LHFPL3: variants seen among roughly 807,000 people sequenced by gnomAD.
The protein encoded by LHFPL3 is LHFPL tetraspan subfamily member 3 protein.
LHFPL3 carries 5 observed loss-of-function variants against 19.3 expected under a neutral mutation model. The observed-to-expected ratio is 0.26, with a 90% CI of 0.14 to 0.54. The LOEUF is 0.54. Among genes scored for constraint, LHFPL3 ranks in the 20% least tolerant of loss-of-function variants. The probability of loss-of-function intolerance (pLI) is 0.94; values close to 1 mark genes in which losing one functional copy is unlikely to be tolerated. For synonymous variants in LHFPL3, 133 were observed against 126.2 expected (o/e 1.05, Z -0.36); for missense variants, 249 against 307.4 (o/e 0.81, Z 1.42).
At chr7:104,529,601 CT>C (rs1182361845) in intron 1 of LHFPL3, among the ~76,000 whole-genome samples, 4 of 152,182 alleles carry the variant, frequency 2.6e-5, no homozygotes. Flanking sequence ...AAATAGTCAG[CT>C]GGTTCCCATC....
At chr7:104,499,775 A>G (rs746751169) in intron 1 of LHFPL3, among the ~76,000 whole-genome samples, 1 of 152,236 alleles carries the variant, frequency 6.6e-6, no homozygotes, top group African/African-American at 2.4e-5. Context: ...AATAAAATGC[A>G]TGCAGTTATA....
At chr7:104,866,337 T>C (rs561265958) in intron 2 of LHFPL3, among the ~76,000 whole-genome samples, 38 of 152,214 alleles carry the variant, frequency 2.5e-4, no homozygotes, top group Admixed American at 5.2e-4. Flanking sequence ...ACCCATCTCA[T>C]GTGCAGAGAC....
intron 1 of LHFPL3, among the ~76,000 whole-genome samples, chr7:104,484,797 A>T (rs1793206802): frequency 6.6e-6 from 1 of 152,168 alleles, no homozygotes; most frequent in Non-Finnish European, 1.5e-5. Context: ...GAGAGACAGG[A>T]AGGGGGCTGA....
intron 2 of LHFPL3, among the ~76,000 whole-genome samples, chr7:104,858,456 A>C (rs1474446295): frequency 6.6e-6 from 1 of 152,144 alleles, no homozygotes; most frequent in Non-Finnish European, 1.5e-5. Context: ...TGATGTATCT[A>C]CATACATACC....
intron 2 of LHFPL3, among the ~76,000 whole-genome samples, chr7:104,829,902 C>A (rs1235084829): frequency 1.3e-5 from 2 of 151,958 alleles, no homozygotes; most frequent in African/African-American, 2.4e-5. Context: ...TGAGGAATCA[C>A]CACACTGACT....
intron 1 of LHFPL3, among the ~76,000 whole-genome samples, chr7:104,637,622 A>G (rs953507540): frequency 2.6e-4 from 40 of 152,200 alleles, no homozygotes; most frequent in Middle Eastern, 3.4e-3. Flanking sequence ...TCCCAGCACC[A>G]CTTATTGAAT....
chr7:104,611,523 GC>G (rs755419343), intron 1 of LHFPL3, among the ~76,000 whole-genome samples: 4 of 152,144 alleles, frequency 2.6e-5, no homozygotes, highest in Admixed American at 1.3e-4. Context: ...GAATCAAAGG[GC>G]AAAGAAGGAG....
At chr7:104,864,361 T>A (rs928088637) in intron 2 of LHFPL3, among the ~76,000 whole-genome samples, 2 of 125,654 alleles carry the variant, frequency 1.6e-5, no homozygotes, top group Admixed American at 8.1e-5. Context: ...TTCTCTTTCC[T>A]AGTCAAAAAA....
chr7:104,464,481 G>A lies in LHFPL3; in HGVS notation c.445+135257G>A, dbSNP rs565870487. Among the ~76,000 whole-genome samples the A allele has an allele frequency of 4.6e-4, 70 of 152,320 alleles. No individual in the cohort carries two copies. In the South Asian group the frequency reaches 5.0e-3, roughly 11 times the overall value. On this transcript the variant is annotated intron_variant, in intron 1 of 2. Transcript: ENST00000424859. ...TCCCTTCTTCACTGCCCTAGCAGAG[G>A]TTCTCTGTGAGGGTTCCACCCCTGA...
chr7:104,785,547 A>C (rs1311980175), intron 2 of LHFPL3, among the ~76,000 whole-genome samples: 2 of 152,196 alleles, frequency 1.3e-5, no homozygotes, highest in East Asian at 1.9e-4. Context: ...AATTTACTTA[A>C]GTTCTCCAAT....
chr7:104,832,532 C>T (rs1429059468), intron 2 of LHFPL3, among the ~76,000 whole-genome samples: 2 of 151,558 alleles, frequency 1.3e-5, no homozygotes, highest in African/African-American at 2.4e-5. Context: ...TTTTTCTCAT[C>T]GAGATTACTC....
intron 1 of LHFPL3, among the ~76,000 whole-genome samples, chr7:104,449,930 G>A (rs1041593655): frequency 2.6e-5 from 4 of 152,204 alleles, no homozygotes; most frequent in African/African-American, 7.2e-5. Context: ...GGTGACACAT[G>A]AAGAGGTCAG....
At chr7:104,772,342 A>G (rs1794568516) in intron 2 of LHFPL3, among the ~76,000 whole-genome samples, 1 of 152,216 alleles carries the variant, frequency 6.6e-6, no homozygotes, top group Non-Finnish European at 1.5e-5. Context: ...TGGCTCAGTG[A>G]TTATTAGAAC....
Position 104,370,915 on chromosome 7 carries a change from G to C in LHFPL3, c.445+41691G>C, listed in dbSNP as rs575272741. Among the ~76,000 whole-genome samples, 13 of 152,286 alleles carry C rather than the reference G, an allele frequency of 8.5e-5. No homozygotes were observed. In the South Asian group the frequency reaches 2.7e-3, roughly 32 times the overall value. The stretch of plus-strand genomic sequence containing the variant: ...GATGAGGATATTGAGGCAGAGAAAA[G>C]TTATGTAACTTTCTTAAGCTATTAA... On this transcript the variant is annotated intron_variant, in intron 1 of 2. Transcript: ENST00000424859.
chr7:104,696,471 T>TGC lies in LHFPL3; in HGVS notation c.446-40203_446-40202dup, dbSNP rs1792998770. On this transcript the variant is annotated intron_variant, in intron 1 of 2. Transcript: ENST00000424859. The stretch of plus-strand genomic sequence containing the variant: ...GTGTGTGTGTGTGTGTGTGTGTGTG[T>TGC]GCTTACATATATGTGTGTTTACTTT... 5.7e-5 allele frequency among the ~76,000 whole-genome samples: 8 copies of TGC among 140,462 alleles called. No homozygotes were observed. The South Asian group carries it at 1.8e-3, about 32-fold the overall frequency. 92.1% of individuals were successfully genotyped at this position (140,462 alleles called of 152,430 possible). A position where few individuals can be genotyped will look rare whatever the true frequency, so the allele number is the denominator to read the frequency against.
chr7:104,695,455 C>T (rs1350762864), intron 1 of LHFPL3, among the ~76,000 whole-genome samples: 1 of 152,266 alleles, frequency 6.6e-6, no homozygotes, highest in East Asian at 1.9e-4. Context: ...TGTTGGGTCT[C>T]CCAGTTTTTT....
chr7:104,735,417 C>T (rs562761125), intron 1 of LHFPL3, among the ~76,000 whole-genome samples: 36 of 152,360 alleles, frequency 2.4e-4, no homozygotes, highest in Admixed American at 1.3e-4. Context: ...TTGGCAATGG[C>T]GGGCGCCCCT....
At chr7:104,765,421 C>T (rs1584522262) in intron 2 of LHFPL3, among the ~76,000 whole-genome samples, 1 of 152,188 alleles carries the variant, frequency 6.6e-6, no homozygotes, top group African/African-American at 2.4e-5. Context: ...TAAAGAGATA[C>T]CTAAATAACC....
At chr7:104,509,874 A>C (rs1793777294) in intron 1 of LHFPL3, among the ~76,000 whole-genome samples, 1 of 152,274 alleles carries the variant, frequency 6.6e-6, no homozygotes, top group East Asian at 1.9e-4. Context: ...TCCTAGAACT[A>C]ACATAAGGTC....
Sources: gnomAD v4.1 joint callset for allele counts (sites outside exome capture counted in the v4.1 genomes callset) on GRCh38, gnomAD v4.1.1 for gene constraint, MANE v1.5 for transcripts, NCBI Gene and HGNC (gene_info 2026-07-23, HGNC 2026-07-21) for gene names.